The following DLG2 variants were observed in gnomAD, a reference collection of about 807,000 sequenced individuals.
DLG2 encodes the protein disks large homolog 2.
In DLG2, 45 loss-of-function variants were observed where a neutral mutation model predicts 132.5. The observed-to-expected ratio is 0.34, with a 90% CI of 0.27 to 0.44. The LOEUF is 0.44. Ranked by LOEUF, DLG2 falls within the 20% of genes least tolerant of loss-of-function variation. DLG2 has a pLI of 1.00. For synonymous variants in DLG2, 424 were observed against 419.6 expected, an observed-to-expected ratio of 1.01 and a Z score of -0.13; for missense variants, 1,045 against 1,196.9, an observed-to-expected ratio of 0.87 and a Z score of 1.87.
At chr11:84,360,677 G>C (rs1395628041) in intron 7 of DLG2, among the ~76,000 whole-genome samples, 1 of 151,832 alleles carries the variant, frequency 6.6e-6, no homozygotes, top group Non-Finnish European at 1.5e-5. Context: ...TTTGTGGTCA[G>C]AATACCAGGG....
intron 15 of DLG2, among the ~76,000 whole-genome samples, chr11:83,921,669 T>C (rs1250682937): frequency 1.3e-5 from 2 of 152,130 alleles, no homozygotes; most frequent in African/African-American, 4.8e-5. Flanking sequence ...TTCTCATAGG[T>C]AGTTTCCTTC....
At chr11:85,494,845 T>C (rs941020863) in intron 3 of DLG2, among the ~76,000 whole-genome samples, 2 of 151,606 alleles carry the variant, frequency 1.3e-5, no homozygotes, top group Non-Finnish European at 2.9e-5. Context: ...AGAATATTTT[T>C]TTAAAAGAAA....
At chr11:84,590,264 G>A (rs544845832) in intron 6 of DLG2, among the ~76,000 whole-genome samples, 17 of 152,278 alleles carry the variant, frequency 1.1e-4, no homozygotes, top group African/African-American at 4.1e-4. Flanking sequence ...CAGAAAACTT[G>A]CCACAATTAT....
At chr11:84,679,340 G>A (rs2099723023) in intron 6 of DLG2, among the ~76,000 whole-genome samples, 1 of 152,004 alleles carries the variant, frequency 6.6e-6, no homozygotes, top group East Asian at 1.9e-4. Flanking sequence ...GAGATTTTCA[G>A]GAATGTTTGC....
chr11:84,650,674 C>T (rs1324102349), intron 6 of DLG2, among the ~76,000 whole-genome samples: 2 of 151,904 alleles, frequency 1.3e-5, no homozygotes, highest in Non-Finnish European at 2.9e-5. Flanking sequence ...CTTAACCTCT[C>T]ATTAAATTGC....
chr11:85,574,164 G>A (rs896195424), intron 3 of DLG2, among the ~76,000 whole-genome samples: 1 of 152,014 alleles, frequency 6.6e-6, no homozygotes, highest in Non-Finnish European at 1.5e-5. Context: ...AAGCTTCAGA[G>A]AATTTAATAA....
At chr11:84,696,268 C>G (rs1301939941) in intron 6 of DLG2, among the ~76,000 whole-genome samples, 1 of 151,518 alleles carries the variant, frequency 6.6e-6, no homozygotes, top group Non-Finnish European at 1.5e-5. Context: ...ATTTGCCATG[C>G]ACTGTGCTAA....
chr11:84,117,200 T>C (rs527953507), intron 9 of DLG2, among the ~76,000 whole-genome samples: 1 of 152,328 alleles, frequency 6.6e-6, no homozygotes, highest in East Asian at 1.9e-4. Flanking sequence ...GGGTTATACC[T>C]TTCCTAAAGC....
chr11:84,802,889 T>C (rs1183928401), intron 6 of DLG2, among the ~76,000 whole-genome samples: 2 of 152,096 alleles, frequency 1.3e-5, no homozygotes, highest in Non-Finnish European at 2.9e-5. Context: ...AACCTCCACC[T>C]CCCGGGTTCA....
At chr11:84,837,713 C>T (rs1293559592) in intron 6 of DLG2, among the ~76,000 whole-genome samples, 4 of 151,782 alleles carry the variant, frequency 2.6e-5, no homozygotes, top group South Asian at 4.1e-4. Context: ...TAAGGGCATT[C>T]AAGGGAGCCC....
At position 85,424,294 on chromosome 11, in the gene DLG2, T is replaced by TG. The variant is rs562968147; in HGVS notation, c.41-138930_41-138929insC. Among the ~76,000 whole-genome samples the TG allele has an allele frequency of 3.9e-3, 597 of 152,272 alleles. 15 individuals are homozygous for TG. Among genetic ancestry groups the TG allele is most frequent in the East Asian group, 2.3e-3 (12 of 5,184 alleles). On this transcript the variant is annotated intron_variant, in intron 3 of 27. Coordinates refer to ENST00000376104, the MANE Select transcript of DLG2 (RefSeq NM_001142699.3). ...CCCAGGTACTGCAGGAGCAATCTTC[T>TG]TTTTTCGGGGGATCTGTGGGTTCTC... is the stretch of plus-strand genomic sequence containing the variant.
intron 7 of DLG2, among the ~76,000 whole-genome samples, chr11:84,294,477 AATCCCAGCT>A (rs1239671538): frequency 2.4e-4 from 36 of 152,254 alleles, no homozygotes; most frequent in African/African-American, 8.7e-4. Context: ...GCATGCCTGT[AATCCCAGCT>A]ATCCCAGAGG....
At chr11:84,903,125 C>T (rs1399471167) in intron 6 of DLG2, among the ~76,000 whole-genome samples, 1 of 152,094 alleles carries the variant, frequency 6.6e-6, no homozygotes, top group Non-Finnish European at 1.5e-5. Flanking sequence ...GGTCAGAACA[C>T]TCCTCTATTT....
intron 3 of DLG2, among the ~76,000 whole-genome samples, chr11:85,368,250 T>C (rs560747039): frequency 6.6e-6 from 1 of 152,232 alleles, no homozygotes; most frequent in Non-Finnish European, 1.5e-5. Context: ...TATAAGCCCA[T>C]ATTCTTTAAT....
intron 6 of DLG2, among the ~76,000 whole-genome samples, chr11:84,884,600 T>A (rs2087913391): frequency 6.6e-6 from 1 of 152,128 alleles, no homozygotes; most frequent in Non-Finnish European, 1.5e-5. Flanking sequence ...AACTTCAGAT[T>A]AATTTTTAGT....
At chr11:85,319,869 A>C (rs979743593) in intron 3 of DLG2, among the ~76,000 whole-genome samples, 1 of 151,894 alleles carries the variant, frequency 6.6e-6, no homozygotes, top group African/African-American at 2.4e-5. Context: ...CATAAATTTT[A>C]TTTCTAAGTA....
intron 6 of DLG2, among the ~76,000 whole-genome samples, chr11:84,618,460 T>C (rs981254769): frequency 6.6e-6 from 1 of 151,892 alleles, no homozygotes; most frequent in African/African-American, 2.4e-5. Flanking sequence ...ATGAGAAAAA[T>C]AAGCAAGACC....
At chr11:84,522,830 C>G (rs1384517373) in intron 7 of DLG2, among the ~76,000 whole-genome samples, 5 of 152,172 alleles carry the variant, frequency 3.3e-5, no homozygotes, top group Non-Finnish European at 5.9e-5. Flanking sequence ...ACTAAATGAT[C>G]CTTGCACATC....
intron 3 of DLG2, among the ~76,000 whole-genome samples, chr11:85,485,140 G>A (rs1443620799): frequency 3.0e-4 from 46 of 151,908 alleles, no homozygotes; most frequent in African/African-American, 1.1e-3. Context: ...CTCATAGGTG[G>A]GAATTGAACA....
Sources: allele counts gnomAD v4.1 joint callset (sites outside exome capture counted in the v4.1 genomes callset), GRCh38; gene constraint gnomAD v4.1.1; transcripts MANE v1.5; gene names NCBI Gene and HGNC (gene_info 2026-07-23, HGNC 2026-07-21).